The following HPRT1 variants were observed in gnomAD, a reference collection of about 807,000 sequenced individuals.
HPRT1 encodes hypoxanthine-guanine phosphoribosyltransferase.
In HPRT1, 4 loss-of-function variants were observed where a neutral mutation model predicts 19.0. That is an observed-to-expected ratio of 0.21 (90% CI 0.10 to 0.48). The LOEUF (loss-of-function observed/expected upper bound fraction) is 0.48, where lower values mean the gene tolerates loss of function less well. HPRT1 is among the 20% of genes least tolerant of loss of function. The pLI, the probability that HPRT1 is intolerant of heterozygous loss-of-function variation, is 0.98. For synonymous variants in HPRT1, 53 were observed against 54.9 expected (o/e 0.97, Z 0.15); for missense variants, 65 against 164.0 (o/e 0.40, Z 3.30).
chrX:134,465,832 C>T (rs949774011), intron 1 of HPRT1, among the ~76,000 whole-genome samples: 7 of 112,002 alleles, frequency 6.2e-5, no homozygotes, highest in Admixed American at 1.9e-4. Flanking sequence ...AGAGTAACCA[C>T]GTTTTCATTC....
intron 1 of HPRT1, among the ~76,000 whole-genome samples, chrX:134,463,688 G>A (rs766904996): frequency 1.8e-5 from 2 of 111,692 alleles, no homozygotes; most frequent in Non-Finnish European, 3.8e-5. Context: ...TTTTCTTTTA[G>A]TTTTCTGCAG....
At chrX:134,466,441 A>G (rs2077597213) in intron 1 of HPRT1, among the ~76,000 whole-genome samples, 1 of 107,344 alleles carries the variant, frequency 9.3e-6, no homozygotes, top group African/African-American at 3.4e-5. Flanking sequence ...AAAAAAAAAG[A>G]GACACCAGAG....
intron 5 of HPRT1, among the ~76,000 whole-genome samples, 183 bp from the exon 6 acceptor site, chrX:134,493,325 G>A (rs759483361): frequency 9.0e-6 from 1 of 111,167 alleles, no homozygotes; most frequent in Non-Finnish European, 1.9e-5. Context: ...CCAGTCCTGG[G>A]GGCTGGCATT....
rs749320387 is a variant in HPRT1 at position 134,493,615 on chromosome X, A to G, written c.485+25A>G. 7.9e-6 allele frequency: 8 copies of G among 1,017,874 alleles called. No individual in the cohort carries two copies. The South Asian group carries it at 1.3e-4, about 17-fold the overall frequency. 83.9% of individuals were successfully genotyped at this position (1,017,874 alleles called of 1,213,427 possible). A position where few individuals can be genotyped will look rare whatever the true frequency, so the allele number is the denominator to read the frequency against. On this transcript the variant is annotated intron_variant, in intron 6 of 8. Transcript: ENST00000298556. ...GGTATGTATGACATTTTGACACAGA[A>G]TATTTTCCTCATTTGAAGGGGGATT...
chrX:134,499,737 G>C (rs1177879388), intron 8 of HPRT1, among the ~76,000 whole-genome samples: 1 of 109,566 alleles, frequency 9.1e-6, no homozygotes, highest in Non-Finnish European at 1.9e-5. Context: ...CCGGGAGGCA[G>C]AGCTTGCAGT....
rs1441744072 is a variant in HPRT1, at chrX:134,462,743, A to C, written c.27+2405A>C. 1.7e-4 allele frequency among the ~76,000 whole-genome samples: 19 copies of C among 112,298 alleles called. No individual in the cohort carries two copies. The Admixed American group carries it at 1.8e-3, about 11-fold the overall frequency. On this transcript the variant is annotated intron_variant, in intron 1 of 8. Transcript: ENST00000298556. ...AGATACTCATTGTTTTTAGTTTGCA[A>C]ATCCCTCTTCCTTTTTAAAAAATTT...
intron 5 of HPRT1, among the ~76,000 whole-genome samples, chrX:134,491,221 T>C (rs1298279856): frequency 9.1e-6 from 1 of 110,058 alleles, no homozygotes; most frequent in Non-Finnish European, 1.9e-5. Flanking sequence ...ACCTACTTGC[T>C]GTCTATAAGA....
intron 2 of HPRT1, among the ~76,000 whole-genome samples, chrX:134,474,890 G>A (rs2077620191): frequency 9.0e-6 from 1 of 110,626 alleles, no homozygotes; most frequent in Admixed American, 9.7e-5. Context: ...AATTTTTAAT[G>A]CATTTTTTTG....
chrX:134,491,844 G>T (rs760759177), intron 5 of HPRT1, among the ~76,000 whole-genome samples: 2 of 106,371 alleles, frequency 1.9e-5, no homozygotes, highest in African/African-American at 6.9e-5. Flanking sequence ...CAATTCTCAT[G>T]TCTCAGCCTC....
intron 6 of HPRT1, among the ~76,000 whole-genome samples, chrX:134,496,382 G>A (rs893132977): frequency 1.3e-4 from 14 of 111,719 alleles, no homozygotes; most frequent in African/African-American, 4.2e-4. Flanking sequence ...TCTTAAGAAC[G>A]GTTACCCATT....
At position 134,497,501 on chromosome X, in the gene HPRT1, G is replaced by A. The variant is rs773638406; in HGVS notation, c.486-889G>A. ...AATACAAAATTAGCCGGGCGTGGTG[G>A]CACATGCCTGTAGTCCCAGCTACTC... On this transcript the variant is annotated intron_variant, in intron 6 of 8. Coordinates refer to ENST00000298556, the MANE Select transcript of HPRT1 (RefSeq NM_000194.3). 1.8e-4 allele frequency among the ~76,000 whole-genome samples: 20 copies of A among 110,563 alleles called. No individual in the cohort carries two copies. In the East Asian group the frequency reaches 5.7e-3, roughly 31 times the overall value.
At chrX:134,464,769 G>A (rs371705315) in intron 1 of HPRT1, among the ~76,000 whole-genome samples, 2 of 109,369 alleles carry the variant, frequency 1.8e-5, no homozygotes, top group African/African-American at 6.7e-5. Context: ...GGATTTCACC[G>A]TGTTGGCCAG....
At chrX:134,462,219 T>G (rs2077586204) in intron 1 of HPRT1, among the ~76,000 whole-genome samples, 1 of 111,227 alleles carries the variant, frequency 9.0e-6, no homozygotes, top group Non-Finnish European at 1.9e-5. Context: ...TCGCTCTTGT[T>G]GCCCGGGCTG....
chrX:134,483,309 TTATTGC>T lies in HPRT1; in HGVS notation c.319-3153_319-3148del, dbSNP rs1353531851. Among the ~76,000 whole-genome samples, 16 of 111,943 alleles carry T rather than the reference TTATTGC, an allele frequency of 1.4e-4. No individual in the cohort carries two copies. In the East Asian group the frequency reaches 4.5e-3, roughly 31 times the overall value. On this transcript the variant is annotated intron_variant, in intron 3 of 8. Transcript: ENST00000298556. ...CTTTTTCTATACCATGCTGCAGTTCTTATTGCTACCTAGAGGTTTTCAAAATTCCTA... is the reference window on the plus strand; with the variant it reads ...CTTTTTCTATACCATGCTGCAGTTCTTACCTAGAGGTTTTCAAAATTCCTA...
At chrX:134,469,824 A>G (rs192410176) in intron 1 of HPRT1, among the ~76,000 whole-genome samples, 2 of 112,464 alleles carry the variant, frequency 1.8e-5, no homozygotes, top group Non-Finnish European at 1.9e-5. Flanking sequence ...GATAACAGAT[A>G]TATTCTGATG....
chrX:134,460,478 C>T (rs2077579908), intron 1 of HPRT1, 140 bp downstream of exon 1: 3 of 419,374 alleles, frequency 7.2e-6, no homozygotes, highest in South Asian at 1.1e-4. Context: ...GCCAGTTTCC[C>T]GGGTTCGGCT....
intron 1 of HPRT1, among the ~76,000 whole-genome samples, chrX:134,470,035 G>A (rs2036357990): frequency 8.9e-6 from 1 of 112,606 alleles, no homozygotes; most frequent in Non-Finnish European, 1.9e-5. Context: ...ATATGTGAAG[G>A]TTTAGCAGAT....
intron 2 of HPRT1, among the ~76,000 whole-genome samples, chrX:134,474,137 C>G (rs1303791608): frequency 9.0e-6 from 1 of 111,511 alleles, no homozygotes; most frequent in African/African-American, 3.3e-5. Flanking sequence ...CTAGAGCTAT[C>G]TAATATATTT....
At chrX:134,499,290 C>A (rs2077689018) in intron 8 of HPRT1, among the ~76,000 whole-genome samples, 2 of 110,368 alleles carry the variant, frequency 1.8e-5, no homozygotes, top group Non-Finnish European at 3.8e-5. Context: ...ACCAGCCTGG[C>A]AAACATGATG....
Sources: gnomAD v4.1 joint callset for allele counts (sites outside exome capture counted in the v4.1 genomes callset) on GRCh38, gnomAD v4.1.1 for gene constraint, MANE v1.5 for transcripts, NCBI Gene and HGNC (gene_info 2026-07-23, HGNC 2026-07-21) for gene names.